GAREM2: variants seen among roughly 807,000 people sequenced by gnomAD.
GAREM2 encodes GRB2 associated regulator of MAPK1 subtype 2, also known as GRB2-associated and regulator of MAPK protein 2.
Under a neutral mutation model 55.6 loss-of-function variants are expected in GAREM2, and 30 were observed. The ratio of observed to expected loss-of-function variants is 0.54; its 90% CI spans 0.40 to 0.73. The LOEUF (loss-of-function observed/expected upper bound fraction) is 0.73, where lower values mean the gene tolerates loss of function less well. GAREM2 is among the 30% of genes least tolerant of loss of function. GAREM2 has a pLI of 0.00. For synonymous variants in GAREM2, 550 were observed against 569.1 expected, an observed-to-expected ratio of 0.97 and a Z score of 0.48; for missense variants, 1,075 against 1,257.7, an observed-to-expected ratio of 0.85 and a Z score of 2.20.
Position 26,184,232 on chromosome 2 carries a change from G to A in GAREM2, c.385-1G>A, listed in dbSNP as rs778133508. 1 of 1,549,728 alleles carries A rather than the reference G, an allele frequency of 6.5e-7. No individual in the cohort carries two copies. The highest frequency in any genetic ancestry group is 1.2e-5 in the South Asian group (1 of 84,060). On this transcript the variant is annotated splice_acceptor_variant, in intron 3 of 5. Coordinates refer to ENST00000401533, the MANE Select transcript of GAREM2 (RefSeq NM_001168241.2). LOFTEE classifies it high-confidence loss of function. ...CCCTGCCCTGTCTCTGGGATCCCCA[G>A]GTGGTGTCGGGCGAGTTCAGCGAGG... is the stretch of plus-strand genomic sequence containing the variant.
At chr2:26,184,007 G>C (rs1212316000) in intron 3 of GAREM2, among the ~76,000 whole-genome samples, 1 of 152,286 alleles carries the variant, frequency 6.6e-6, no homozygotes, top group Non-Finnish European at 1.5e-5. Context: ...TTCGAAGTAA[G>C]AGTTATCAGA....
chr2:26,185,810 TGGCAGACGCTTCCTTCCCTCTGTCCCTTC>T (rs1052728801), intron 4 of GAREM2, among the ~76,000 whole-genome samples: 1 of 152,160 alleles, frequency 6.6e-6, no homozygotes, highest in Admixed American at 6.5e-5. Flanking sequence ...GGGATGCAGG[TGGCAGACGCTTCCTTCCCTCTGTCCCTTC>T]GGCTTTCCTT....
downstream of GAREM2, among the ~76,000 whole-genome samples, chr2:26,190,279 G>A (rs867994328): frequency 2.6e-5 from 4 of 152,148 alleles, no homozygotes; most frequent in African/African-American, 9.7e-5. Flanking sequence ...CTGGAATTAC[G>A]ATTCCGCACA....
downstream of GAREM2, chr2:26,191,454 G>A (rs778131571): frequency 1.2e-6 from 2 of 1,614,162 alleles, no homozygotes; most frequent in East Asian, 2.2e-5. Context: ...AGGCTAAAGT[G>A]AGCTTCCTTC....
At chr2:26,194,804 C>T in the GAREM2 span, among the ~76,000 whole-genome samples, 5 of 152,082 alleles carry the variant, frequency 3.3e-5, no homozygotes, top group African/African-American at 9.6e-5. Context: ...CAGGGGAAGC[C>T]GTACTAGGGG....
At chr2:26,177,335 G>A (rs59898670) in intron 2 of GAREM2, among the ~76,000 whole-genome samples, 199 of 152,260 alleles carry the variant, frequency 1.3e-3, no homozygotes, top group African/African-American at 4.5e-3. Context: ...TGTGAGCCCC[G>A]GATCCCACAT....
chr2:26,185,946 G>T (rs755857530), intron 4 of GAREM2, among the ~76,000 whole-genome samples: 1 of 152,100 alleles, frequency 6.6e-6, no homozygotes, highest in Non-Finnish European at 1.5e-5. Context: ...ATCCATGATG[G>T]ATTTCCAAGG....
At chr2:26,196,951 G>T in the GAREM2 span, among the ~76,000 whole-genome samples, 1 of 152,182 alleles carries the variant, frequency 6.6e-6, no homozygotes, top group African/African-American at 2.4e-5. Flanking sequence ...TCTGCTGTGT[G>T]CTAGGAAACT....
the GAREM2 span, among the ~76,000 whole-genome samples, chr2:26,200,135 ATGTT>A: frequency 0.018 from 2,775 of 152,146 alleles, 95 homozygotes; most frequent in African/African-American, 0.062. Flanking sequence ...AGAGAAGATA[ATGTT>A]TGTTTGTTTG....
the GAREM2 span, among the ~76,000 whole-genome samples, chr2:26,202,862 T>G: frequency 3.9e-5 from 6 of 152,272 alleles, no homozygotes; most frequent in Admixed American, 3.9e-4. Flanking sequence ...TCAGTTGCTC[T>G]AATTCTAATG....
the GAREM2 span, chr2:26,201,251 A>C: frequency 6.2e-7 from 1 of 1,611,852 alleles, no homozygotes. Context: ...CAAGCTGCCC[A>C]GTCAAGTTGC....
At chr2:26,174,695 G>A (rs1668805411) in intron 1 of GAREM2, among the ~76,000 whole-genome samples, 1 of 152,232 alleles carries the variant, frequency 6.6e-6, no homozygotes, top group South Asian at 2.1e-4. Flanking sequence ...GTGTGGCTAT[G>A]GCTGGGTCAC....
At chr2:26,186,086 A>C in intron 4 of GAREM2, 103 bp from the exon 5 acceptor site, 1 of 1,179,926 alleles carries the variant, frequency 8.5e-7, no homozygotes, top group South Asian at 1.6e-5. Context: ...AGTGGGGCAA[A>C]TGTCAGGCCC....
At chr2:26,182,443 A>G (rs1463193395) in intron 2 of GAREM2, 6 of 1,550,210 alleles carry the variant, frequency 3.9e-6, no homozygotes, top group Non-Finnish European at 5.2e-6. Context: ...GCCCAGTGCC[A>G]CCTCCATGCG....
At chr2:26,190,970 G>C (rs2147748304), downstream of GAREM2, 1 of 541,648 alleles carries the variant, frequency 1.8e-6, no homozygotes, top group South Asian at 2.0e-5. Flanking sequence ...AACAGGCAGA[G>C]AGGTGGCTTC....
At chr2:26,182,332 G>T in intron 2 of GAREM2, 1 of 1,484,414 alleles carries the variant, frequency 6.7e-7, no homozygotes, top group South Asian at 1.4e-5. Flanking sequence ...GAGCCTCTGG[G>T]AGAGTAGGAT....
At chr2:26,182,113 T>G in intron 2 of GAREM2, 1 of 1,113,002 alleles carries the variant, frequency 9.0e-7, no homozygotes. Context: ...CAGAGCTTGT[T>G]TTGTGCTCAT....
At chr2:26,192,525 G>A (rs1054205734), downstream of GAREM2, 35 of 762,280 alleles carry the variant, frequency 4.6e-5, no homozygotes, top group South Asian at 1.8e-4. Context: ...GGTGGCTCAC[G>A]CCTGTAATCC....
At chr2:26,183,799 C>T (rs1000758791) in intron 3 of GAREM2, among the ~76,000 whole-genome samples, 1 of 152,206 alleles carries the variant, frequency 6.6e-6, no homozygotes, top group Non-Finnish European at 1.5e-5. Flanking sequence ...GTTTACAAAC[C>T]CTTTTCTTAT....
Sources: gnomAD v4.1 joint callset for allele counts (sites outside exome capture counted in the v4.1 genomes callset) on GRCh38, gnomAD v4.1.1 for gene constraint, MANE v1.5 for transcripts, NCBI Gene and HGNC (gene_info 2026-07-23, HGNC 2026-07-21) for gene names.